The following POTEJ variants were observed in gnomAD, a reference collection of about 807,000 sequenced individuals.
POTEJ encodes the protein POTE ankyrin domain family, member J.
A neutral mutation model predicts 69.0 loss-of-function variants in POTEJ; 11 were observed. That is an observed-to-expected ratio of 0.16 (90% confidence interval 0.10 to 0.26). The LOEUF (loss-of-function observed/expected upper bound fraction) is 0.26. Among genes scored for constraint, POTEJ ranks in the 10% least tolerant of loss-of-function variants. The probability of loss-of-function intolerance (pLI) is 1.00; values close to 1 mark genes in which losing one functional copy is unlikely to be tolerated. For synonymous variants in POTEJ, 117 were observed against 381.1 expected, an observed-to-expected ratio of 0.31 and a Z score of 8.07; for missense variants, 327 against 1,045.5, an observed-to-expected ratio of 0.31 and a Z score of 9.48.
intron 5 of POTEJ, chr2:130,622,719 C>G (rs1383318471): frequency 6.7e-6 from 1 of 150,192 alleles, no homozygotes; most frequent in Non-Finnish European, 1.5e-5. Context: ...TATTTTCAAA[C>G]TCTAGCTCAC....
intron 10 of POTEJ, among the ~76,000 whole-genome samples, chr2:130,643,463 G>A (rs1395173466): frequency 7.3e-6 from 1 of 136,656 alleles, no homozygotes; most frequent in Non-Finnish European, 1.6e-5. Context: ...AGGTTGCAGT[G>A]AGCTGATCAT....
chr2:130,657,085 C>A lies in POTEJ; in HGVS notation c.2325C>A (p.Pro775=). The A allele has an allele frequency of 6.3e-7, 1 of 1,580,232 alleles. No individual in the cohort carries two copies. The change falls in exon 15 of 15, where the codon CCC becomes CCA. Residue 775 remains proline, a synonymous_variant. Transcript: ENST00000409602. ...TGCTGACCGAGGCCCCCCTGAACCC[C>A]AAGGCCAACCGCGAGAAGATGACCC... The part of the protein sequence containing the change: ...PILLTEAPLN[P]KANREKMTQI...
At chr2:130,645,524 G>A (rs866988681) in intron 11 of POTEJ, among the ~76,000 whole-genome samples, 2,799 of 140,052 alleles carry the variant, frequency 0.02, 2 homozygotes, top group African/African-American at 0.066. Context: ...AGAAGCCAGT[G>A]ATGTGGCAGT....
chr2:130,624,559 G>A (rs1410091315), intron 6 of POTEJ, among the ~76,000 whole-genome samples: 15 of 152,062 alleles, frequency 9.9e-5, no homozygotes, highest in Non-Finnish European at 2.2e-4. Flanking sequence ...GGTAATATGA[G>A]CCATAGGGAG....
intron 1 of POTEJ, among the ~76,000 whole-genome samples, chr2:130,615,827 G>C (rs982380953): frequency 1.4e-5 from 2 of 141,666 alleles, no homozygotes; most frequent in African/African-American, 2.9e-5. Flanking sequence ...ATTTATAACA[G>C]TCTTAAATCC....
At chr2:130,648,072 G>GT in intron 13 of POTEJ, among the ~76,000 whole-genome samples, 1 of 148,148 alleles carries the variant, frequency 6.8e-6, no homozygotes, top group East Asian at 1.9e-4. Flanking sequence ...TATTTGATGA[G>GT]TGTCAACTGT....
chr2:130,643,342 A>C (rs990710400), intron 10 of POTEJ, among the ~76,000 whole-genome samples: 12 of 129,228 alleles, frequency 9.3e-5, no homozygotes, highest in Non-Finnish European at 1.9e-4. Context: ...CCAATGGTGA[A>C]ACCCCATCTC....
chr2:130,624,784 T>C (rs1391446095), intron 6 of POTEJ, among the ~76,000 whole-genome samples: 1 of 152,054 alleles, frequency 6.6e-6, no homozygotes, highest in Non-Finnish European at 1.5e-5. Context: ...CATATGCTTG[T>C]CCCAATAAGG....
At chr2:130,637,575 A>G (rs1359772192) in intron 9 of POTEJ, among the ~76,000 whole-genome samples, 1 of 152,180 alleles carries the variant, frequency 6.6e-6, no homozygotes, top group African/African-American at 2.4e-5. Flanking sequence ...TGCCACAAAA[A>G]CATTGAAATT....
chr2:130,623,960 G>C, intron 5 of POTEJ, 104 bp from the exon 6 acceptor site: 1 of 1,145,028 alleles, frequency 8.7e-7, no homozygotes, highest in Non-Finnish European at 1.2e-6. Context: ...ATTAAGTTCT[G>C]ATATTCTGAT....
At chr2:130,639,666 C>CTA (rs1293106225) in intron 10 of POTEJ, among the ~76,000 whole-genome samples, 8 of 152,218 alleles carry the variant, frequency 5.3e-5, no homozygotes, top group Admixed American at 2.6e-4. Flanking sequence ...ATTTGGCTAC[C>CTA]TATTTATCAA....
Position 130,657,462 on chromosome 2 carries a change from A to G in POTEJ, c.2702A>G (p.Lys901Arg), listed in dbSNP as rs1200816657. ...GTGGCCTCCAGCTCCTCCCTAGAGA[A>G]GAGCTACGAGCTGCCCGATGGCCAG... Reference protein sequence around the residue: ...AMVASSSSLEKSYELPDGQVI... With the variant: ...AMVASSSSLERSYELPDGQVI... The change falls in exon 15 of 15, where the codon AAG becomes AGG. Residue 901 changes from lysine to arginine, a missense_variant. Coordinates refer to ENST00000409602, the MANE Select transcript of POTEJ (RefSeq NM_001277083.2). 3.8e-6 allele frequency: 6 copies of G among 1,585,004 alleles called. No individual in the cohort carries two copies. The highest frequency in any genetic ancestry group is 5.2e-6 in the Non-Finnish European group (6 of 1,159,610).
chr2:130,623,822 T>C lies in POTEJ; in HGVS notation c.945-242T>C, dbSNP rs545950519. Among the ~76,000 whole-genome samples the C allele has an allele frequency of 1.5e-3, 202 of 132,736 alleles. 6 individuals carry two copies. The highest frequency in any genetic ancestry group is 2.3e-3 in the Non-Finnish European group (146 of 63,128). The allele number at this position is 132,736 out of a possible 152,430, so 87.1% of individuals were successfully genotyped here. A position where few individuals can be genotyped will look rare whatever the true frequency, so the allele number is the denominator to read the frequency against. On this transcript the variant is annotated intron_variant, in intron 5 of 14. Coordinates refer to ENST00000409602, the MANE Select transcript of POTEJ (RefSeq NM_001277083.2). The stretch of plus-strand genomic sequence containing the variant: ...GACACTTTCTATTATGTCATGCTAA[T>C]GCTAGCTAATTTACTGGGTCACAGT...
At chr2:130,612,788 G>A (rs1685260457) in intron 1 of POTEJ, among the ~76,000 whole-genome samples, 2 of 146,780 alleles carry the variant, frequency 1.4e-5, no homozygotes, top group South Asian at 2.1e-4. Context: ...AAAAAAAGAT[G>A]TGAGCTTTTT....
At chr2:130,626,846 G>C (rs1221835829) in intron 6 of POTEJ, among the ~76,000 whole-genome samples, 1 of 152,162 alleles carries the variant, frequency 6.6e-6, no homozygotes, top group East Asian at 1.9e-4. Context: ...TTGGTGTTAT[G>C]CTTTTTTCAT....
At chr2:130,637,849 T>A (rs1336680691) in intron 9 of POTEJ, among the ~76,000 whole-genome samples, 3 of 150,550 alleles carry the variant, frequency 2.0e-5, no homozygotes, top group Non-Finnish European at 4.4e-5. Flanking sequence ...TAGAGAAGGA[T>A]CATTGGTCCA....
intron 13 of POTEJ, among the ~76,000 whole-genome samples, chr2:130,649,419 A>G (rs1382314957): frequency 6.6e-6 from 1 of 152,212 alleles, no homozygotes; most frequent in Non-Finnish European, 1.5e-5. Flanking sequence ...TGTCAGGTCT[A>G]TCTGAAGAAT....
intron 13 of POTEJ, 80 bp downstream of exon 13, chr2:130,646,390 A>G (rs1686580010): frequency 2.0e-6 from 1 of 500,722 alleles, no homozygotes; most frequent in Non-Finnish European, 3.6e-6. Flanking sequence ...TTCATGATGA[A>G]CAAATTTTAT....
At position 130,626,987 on chromosome 2, in the gene POTEJ, A is replaced by C. The variant is rs566032341; in HGVS notation, c.1015+2853A>C. On this transcript the variant is annotated intron_variant, in intron 6 of 14. Coordinates refer to ENST00000409602, the MANE Select transcript of POTEJ (RefSeq NM_001277083.2). ...GGAATATAAAGCAGAGGCAGAAGAG[A>C]GGTATCGTCAATATGATTTAGTAAT... Among the ~76,000 whole-genome samples the C allele has an allele frequency of 1.6e-3, 245 of 152,190 alleles. 6 individuals carry two copies. The highest frequency in any genetic ancestry group is 5.5e-3 in the African/African-American group (226 of 41,396).
Sources: gnomAD v4.1 joint callset for allele counts (sites outside exome capture counted in the v4.1 genomes callset) on GRCh38, gnomAD v4.1.1 for gene constraint, MANE v1.5 for transcripts, NCBI Gene and HGNC (gene_info 2026-07-23, HGNC 2026-07-21) for gene names.